Variants in POLR3A observed in about 807,000 individuals in gnomAD.
POLR3A encodes the protein DNA-directed RNA polymerase III subunit RPC1.
Under a neutral mutation model 152.8 loss-of-function variants are expected in POLR3A, and 112 were observed. The ratio of observed to expected loss-of-function variants is 0.73; its 90% CI spans 0.63 to 0.86. The LOEUF (loss-of-function observed/expected upper bound fraction) is 0.86. Ranked by LOEUF, POLR3A falls within the 40% of genes least tolerant of loss-of-function variation. The pLI is 0.00. For missense variants in POLR3A, 1,385 were observed against 1,743.1 expected, an observed-to-expected ratio of 0.79 and a Z score of 3.66; for synonymous variants, 615 against 652.1, an observed-to-expected ratio of 0.94 and a Z score of 0.87.
intron 21 of POLR3A, 33 bp downstream of exon 21, chr10:77,991,021 T>A (rs1356279264): frequency 1.7e-6 from 2 of 1,196,458 alleles, no homozygotes; most frequent in East Asian, 2.3e-5. Flanking sequence ...ACAGCCAGGC[T>A]GGGTGCAGTA....
At chr10:77,987,242 T>A (rs563070130) in intron 21 of POLR3A, among the ~76,000 whole-genome samples, 1 of 152,172 alleles carries the variant, frequency 6.6e-6, no homozygotes, top group South Asian at 2.1e-4. Context: ...TCCCGGGAGC[T>A]GGCATCGGCT....
intron 11 of POLR3A, among the ~76,000 whole-genome samples, chr10:78,011,502 C>T (rs1185143488): frequency 6.6e-6 from 1 of 152,100 alleles, no homozygotes; most frequent in Non-Finnish European, 1.5e-5. Context: ...AAAGCAGGGT[C>T]CTCTCAGACA....
rs1847264545 is a variant in POLR3A, at chr10:77,993,073, C to A, written c.2787+124G>T. 6.1e-6 allele frequency: 5 copies of A among 823,580 alleles called. No individual in the cohort carries two copies. The South Asian group carries it at 6.7e-5, about 11-fold the overall frequency. 51.0% of individuals were successfully genotyped at this position (823,580 alleles called of 1,614,324 possible). On this transcript the variant is annotated intron_variant, in intron 20 of 30. Coordinates refer to ENST00000372371, the MANE Select transcript of POLR3A (RefSeq NM_007055.4). The stretch of plus-strand genomic sequence containing the variant: ...TAACACAAAGAAAAAAGATACTAAT[C>A]CAGTGCTTGGGATTATAAATACTGA...
At position 78,006,395 on chromosome 10, in the gene POLR3A, C is replaced by CAAAAA. The variant is rs36050560; in HGVS notation, c.2074+1302_2074+1306dup. On this transcript the variant is annotated intron_variant, in intron 15 of 30. Coordinates refer to ENST00000372371, the MANE Select transcript of POLR3A (RefSeq NM_007055.4). ...CTGGCGACTGAGCAAGACTCTGTCT[C>CAAAAA]AAAAAAAAAAAAAAAAAAAAAAAAA... 2.5e-3 allele frequency among the ~76,000 whole-genome samples: 54 copies of CAAAAA among 21,938 alleles called. 5 individuals are homozygous for CAAAAA. Among genetic ancestry groups the CAAAAA allele is most frequent in the African/African-American group, 5.6e-3 (49 of 8,714 alleles). The allele number at this position is 21,938 out of a possible 152,430, so 14.4% of individuals were successfully genotyped here.
chr10:78,013,504 T>G, intron 11 of POLR3A, 146 bp downstream of exon 11: 2 of 772,434 alleles, frequency 2.6e-6, no homozygotes, highest in Non-Finnish European at 4.6e-6. Context: ...AAAAGAGAGA[T>G]ATATAGGCAG....
Position 78,024,712 on chromosome 10 carries a change from GTTAGT to G in POLR3A, c.491-14_491-10del. ...ACACTTCTTTACGGTACCTATAAGG[GTTAGT>G]TTATTTACCAAGAAATAAAAAATTA... On this transcript the variant is annotated splice_polypyrimidine_tract_variant and intron_variant, in intron 4 of 30. Transcript: ENST00000372371. 1 of 1,609,730 alleles carries G rather than the reference GTTAGT, an allele frequency of 6.2e-7. No individual in the cohort carries two copies. Among genetic ancestry groups the G allele is most frequent in the South Asian group, 1.1e-5 (1 of 90,956 alleles).
intron 15 of POLR3A, 39 bp from the exon 16 acceptor site, chr10:78,004,927 GA>G: frequency 6.4e-7 from 1 of 1,557,206 alleles, no homozygotes; most frequent in Non-Finnish European, 8.9e-7. Flanking sequence ...GGCCATAAAT[GA>G]GACTCAGCAA....
intron 18 of POLR3A, 51 bp from the exon 19 acceptor site, chr10:78,000,169 A>G: frequency 6.4e-7 from 1 of 1,563,980 alleles, no homozygotes; most frequent in Non-Finnish European, 8.8e-7. Context: ...TTCAAGGCCC[A>G]CGATTCTGAA....
Position 78,024,578 on chromosome 10 carries a change from CTTT to C in POLR3A, c.613_615del (p.Lys205del). ...GCCCTTCCCAGCAGAGGCTCCACTTCTTTATTATGTTCAATGGCTGTTTCAAAA... is the reference window on the plus strand; with the variant it reads ...GCCCTTCCCAGCAGAGGCTCCACTTCATTATGTTCAATGGCTGTTTCAAAA... On this transcript the variant is annotated inframe_deletion, in exon 5 of 31. Coordinates refer to ENST00000372371, the MANE Select transcript of POLR3A (RefSeq NM_007055.4). The C allele has an allele frequency of 6.2e-7, 1 of 1,613,856 alleles. No individual in the cohort carries two copies. The highest frequency in any genetic ancestry group is 8.5e-7 in the Non-Finnish European group (1 of 1,180,002).
intron 8 of POLR3A, among the ~76,000 whole-genome samples, chr10:78,021,129 TA>T (rs1847575255): frequency 6.6e-6 from 1 of 152,150 alleles, no homozygotes; most frequent in Non-Finnish European, 1.5e-5. Context: ...CACTCCTGGC[TA>T]ATTTTTTGTA....
chr10:78,025,938 G>A lies in POLR3A; in HGVS notation c.180+156C>T, dbSNP rs181627359. Among the ~76,000 whole-genome samples the A allele has an allele frequency of 7.9e-5, 12 of 152,284 alleles. No individual in the cohort carries two copies. The East Asian group carries it at 2.3e-3, about 29-fold the overall frequency. On this transcript the variant is annotated intron_variant, in intron 2 of 30. Coordinates refer to ENST00000372371, the MANE Select transcript of POLR3A (RefSeq NM_007055.4). ...TTTTCATGACTCAGAATCGAATCAG[G>A]TTGCTGACTAAAGGCCGGAGTTCTT... is the stretch of plus-strand genomic sequence containing the variant.
intron 24 of POLR3A, among the ~76,000 whole-genome samples, chr10:77,984,633 C>T (rs1334509995): frequency 1.3e-5 from 2 of 152,246 alleles, no homozygotes. Flanking sequence ...TGAGCCATTG[C>T]GCCCAGCCGA....
chr10:78,024,779 T>C (rs1461497506), intron 4 of POLR3A, 76 bp from the exon 5 acceptor site: 8 of 1,404,548 alleles, frequency 5.7e-6, no homozygotes, highest in South Asian at 1.2e-5. Flanking sequence ...GTATGGTTAA[T>C]GAAATTACTG....
intron 24 of POLR3A, among the ~76,000 whole-genome samples, chr10:77,984,764 C>T (rs1048866795): frequency 6.6e-6 from 1 of 152,200 alleles, no homozygotes; most frequent in Non-Finnish European, 1.5e-5. Flanking sequence ...CTTAGATCAA[C>T]TAGAAATCCC....
At chr10:78,024,495 C>A in intron 5 of POLR3A, 54 bp downstream of exon 5, 1 of 1,591,080 alleles carries the variant, frequency 6.3e-7, no homozygotes, top group Non-Finnish European at 8.6e-7. Flanking sequence ...ATGTGACGTG[C>A]GGAAGAGGCA....
chr10:78,014,868 C>T lies in POLR3A; in HGVS notation c.1432-1078G>A, dbSNP rs1007881160. Reference sequence around the variant, plus strand: ...CAAGCAAACAGACCTAATTAACAAGCGGGTATTTTCCATTATAAGAATTGT... The same window carrying T: ...CAAGCAAACAGACCTAATTAACAAGTGGGTATTTTCCATTATAAGAATTGT... On this transcript the variant is annotated intron_variant, in intron 10 of 30. Transcript: ENST00000372371. Among the ~76,000 whole-genome samples, 4 of 152,074 alleles carry T rather than the reference C, an allele frequency of 2.6e-5. No individual in the cohort carries two copies. In the South Asian group the frequency reaches 6.2e-4, roughly 24 times the overall value.
In POLR3A at chr10:77,981,048, A is replaced by T. The variant is rs1384529866; in HGVS notation, c.3891+380T>A. On this transcript the variant is annotated intron_variant, in intron 29 of 30. Coordinates refer to ENST00000372371, the MANE Select transcript of POLR3A (RefSeq NM_007055.4). ...TCATGTTAACTTATTTTTTCCTGGG[A>T]ATGGCTACAGAAGAGTGATGGATGG... is the stretch of plus-strand genomic sequence containing the variant. Among the ~76,000 whole-genome samples the T allele has an allele frequency of 2.6e-5, 4 of 152,164 alleles. No homozygotes were observed. The East Asian group carries it at 7.7e-4, about 29-fold the overall frequency.
intron 29 of POLR3A, among the ~76,000 whole-genome samples, 175 bp from the exon 30 acceptor site, chr10:77,980,448 C>T (rs1050275696): frequency 6.6e-6 from 1 of 152,096 alleles, no homozygotes; most frequent in Non-Finnish European, 1.5e-5. Context: ...GGTGGTCAAT[C>T]GTCGGCAACA....
chr10:77,996,716 C>T (rs1401233766), intron 19 of POLR3A, among the ~76,000 whole-genome samples: 2 of 152,066 alleles, frequency 1.3e-5, no homozygotes, highest in African/African-American at 4.8e-5. Context: ...GATTCACAGC[C>T]GAATTCTACC....
Sources: allele counts gnomAD v4.1 joint callset (sites outside exome capture counted in the v4.1 genomes callset), GRCh38; gene constraint gnomAD v4.1.1; transcripts MANE v1.5; gene names NCBI Gene and HGNC (gene_info 2026-07-23, HGNC 2026-07-21).